PTPRQ: variants seen among roughly 807,000 people sequenced by gnomAD.
The protein encoded by PTPRQ is phosphatidylinositol phosphatase PTPRQ.
A neutral mutation model predicts 246.0 loss-of-function variants in PTPRQ; 199 were observed. The observed-to-expected ratio is 0.81, with a 90% CI of 0.72 to 0.91. The LOEUF (loss-of-function observed/expected upper bound fraction) is 0.91, where lower values mean the gene tolerates loss of function less well. PTPRQ is among the 40% of genes least tolerant of loss of function. The pLI, the probability that PTPRQ is intolerant of heterozygous loss-of-function variation, is 0.00. For synonymous variants in PTPRQ, 869 were observed against 853.2 expected (o/e 1.02, Z -0.32); for missense variants, 2,624 against 2,528.4 (o/e 1.04, Z -0.81).
chr12:80,594,277 TG>T (rs1486430411), intron 26 of PTPRQ, among the ~76,000 whole-genome samples: 1 of 152,164 alleles, frequency 6.6e-6, no homozygotes, highest in Non-Finnish European at 1.5e-5. Flanking sequence ...AATTATATAA[TG>T]GTAAGAAGTG....
At chr12:80,552,927 T>C (rs897799692) in intron 25 of PTPRQ, among the ~76,000 whole-genome samples, 1 of 151,806 alleles carries the variant, frequency 6.6e-6, no homozygotes, top group African/African-American at 2.4e-5. Flanking sequence ...AGGACTCAGA[T>C]CTTCATTTAA....
At chr12:80,604,297 G>T (rs1036813717) in intron 26 of PTPRQ, among the ~76,000 whole-genome samples, 5 of 151,532 alleles carry the variant, frequency 3.3e-5, no homozygotes, top group African/African-American at 1.2e-4. Flanking sequence ...GAAATTAACT[G>T]TGGCTAAATC....
At chr12:80,583,335 G>T (rs1256706475) in intron 25 of PTPRQ, among the ~76,000 whole-genome samples, 3 of 152,064 alleles carry the variant, frequency 2.0e-5, no homozygotes, top group Non-Finnish European at 4.4e-5. Context: ...ATTTTTGAGT[G>T]ATTTTTTTCA....
At chr12:80,662,645 A>G (rs1393441863) in intron 39 of PTPRQ, among the ~76,000 whole-genome samples, 1 of 151,972 alleles carries the variant, frequency 6.6e-6, no homozygotes, top group East Asian at 1.9e-4. Flanking sequence ...ATTGCTGTTG[A>G]TGTTTCATGG....
intron 27 of PTPRQ, among the ~76,000 whole-genome samples, chr12:80,608,866 A>G (rs1308211018): frequency 6.6e-6 from 1 of 150,642 alleles, no homozygotes; most frequent in East Asian, 1.9e-4. Flanking sequence ...GCACCTCTCA[A>G]TAATATTTTT....
intron 27 of PTPRQ, among the ~76,000 whole-genome samples, chr12:80,605,637 G>A (rs1898289443): frequency 6.6e-6 from 1 of 151,032 alleles, no homozygotes; most frequent in Non-Finnish European, 1.5e-5. Context: ...TCAGAGCTAA[G>A]TCTTGAAAAA....
intron 37 of PTPRQ, among the ~76,000 whole-genome samples, 155 bp downstream of exon 37, chr12:80,649,824 A>G (rs905901545): frequency 6.6e-6 from 1 of 152,096 alleles, no homozygotes; most frequent in Non-Finnish European, 1.5e-5. Flanking sequence ...GTAATGTTAC[A>G]CTGGGCCGCC....
At chr12:80,669,544 G>A (rs1196952756) in intron 41 of PTPRQ, 80 bp downstream of exon 41, 1 of 1,464,738 alleles carries the variant, frequency 6.8e-7, no homozygotes, top group Admixed American at 2.6e-5. Context: ...TTAATTTCTA[G>A]AACTATCCCT....
intron 39 of PTPRQ, among the ~76,000 whole-genome samples, chr12:80,667,234 T>C (rs1900816011): frequency 6.6e-6 from 1 of 151,852 alleles, no homozygotes; most frequent in Non-Finnish European, 1.5e-5. Context: ...TACCCACAAT[T>C]CTTTTCCCCC....
intron 14 of PTPRQ, among the ~76,000 whole-genome samples, chr12:80,505,602 G>A (rs1225916449): frequency 1.3e-5 from 2 of 151,714 alleles, no homozygotes; most frequent in African/African-American, 4.8e-5. Context: ...CATCCAGGAG[G>A]GGCTCCTTGC....
At chr12:80,659,961 G>A (rs1205001852) in intron 39 of PTPRQ, among the ~76,000 whole-genome samples, 1 of 152,048 alleles carries the variant, frequency 6.6e-6, no homozygotes, top group Admixed American at 6.6e-5. Flanking sequence ...GGGAACAGAT[G>A]TAGCAATGAT....
intron 14 of PTPRQ, among the ~76,000 whole-genome samples, chr12:80,497,844 A>G (rs1180556378): frequency 2.0e-5 from 3 of 152,108 alleles, no homozygotes; most frequent in South Asian, 2.1e-4. Context: ...AATAATTTTT[A>G]TAGGTCACAA....
At chr12:80,510,693 C>G (rs1895100549) in intron 17 of PTPRQ, among the ~76,000 whole-genome samples, 1 of 152,150 alleles carries the variant, frequency 6.6e-6, no homozygotes, top group Non-Finnish European at 1.5e-5. Flanking sequence ...AATTCCTACT[C>G]TTAAAAGTCA....
intron 25 of PTPRQ, among the ~76,000 whole-genome samples, chr12:80,554,459 T>A (rs988764243): frequency 1.3e-5 from 2 of 152,230 alleles, no homozygotes; most frequent in African/African-American, 4.8e-5. Flanking sequence ...AAGATAATTT[T>A]ATAATTTGGG....
At chr12:80,675,735 T>G (rs1053546634) in intron 43 of PTPRQ, among the ~76,000 whole-genome samples, 1 of 152,194 alleles carries the variant, frequency 6.6e-6, no homozygotes, top group Non-Finnish European at 1.5e-5. Context: ...CATACATTAT[T>G]CTGTTTAACC....
intron 25 of PTPRQ, among the ~76,000 whole-genome samples, chr12:80,554,255 G>A (rs1565782881): frequency 6.6e-6 from 1 of 152,098 alleles, no homozygotes. Context: ...TGCTTGAGGT[G>A]ATGGATACCT....
chr12:80,553,975 T>C (rs1528284), intron 25 of PTPRQ, among the ~76,000 whole-genome samples: 122,314 of 151,888 alleles, frequency 0.81, 49,546 homozygotes, highest in South Asian at 0.9. Context: ...ACAAACTTCA[T>C]GTGTTCTCAC....
At chr12:80,488,128 A>G (rs551612154) in intron 9 of PTPRQ, among the ~76,000 whole-genome samples, 108 of 150,560 alleles carry the variant, frequency 7.2e-4, no homozygotes, top group African/African-American at 2.6e-3. Context: ...GGCCTTTTTC[A>G]ACATGGCCAT....
chr12:80,582,550 A>AT (rs772468055), intron 25 of PTPRQ, among the ~76,000 whole-genome samples: 1 of 152,174 alleles, frequency 6.6e-6, no homozygotes, highest in Non-Finnish European at 1.5e-5. Context: ...TCTTTCTGCT[A>AT]TACAAGGACA....
Sources: gnomAD v4.1 joint callset for allele counts (sites outside exome capture counted in the v4.1 genomes callset) on GRCh38, gnomAD v4.1.1 for gene constraint, MANE v1.5 for transcripts, NCBI Gene and HGNC (gene_info 2026-07-23, HGNC 2026-07-21) for gene names.